Variants in OSBPL11 observed in about 807,000 individuals in gnomAD.
OSBPL11 encodes the protein oxysterol binding protein like 11, also known as oxysterol-binding protein-related protein 11.
In OSBPL11, 33 loss-of-function variants were observed where a neutral mutation model predicts 84.4. That is an observed-to-expected ratio of 0.39 (90% CI 0.30 to 0.52). OSBPL11 has a LOEUF of 0.52. OSBPL11 is among the 20% of genes least tolerant of loss of function. The pLI is 0.72. For missense variants in OSBPL11, 736 were observed against 901.1 expected, an observed-to-expected ratio of 0.82 and a Z score of 2.35; for synonymous variants, 276 against 310.2, an observed-to-expected ratio of 0.89 and a Z score of 1.16.
chr3:125,570,065 A>C (rs1002440095), intron 5 of OSBPL11, among the ~76,000 whole-genome samples: 1 of 152,220 alleles, frequency 6.6e-6, no homozygotes, highest in Non-Finnish European at 1.5e-5. Flanking sequence ...AGGAAAAAGA[A>C]TCTTAAGACA....
intron 7 of OSBPL11, among the ~76,000 whole-genome samples, chr3:125,562,597 C>G (rs934992344): frequency 4.6e-5 from 7 of 152,028 alleles, no homozygotes; most frequent in African/African-American, 1.7e-4. Context: ...AGTAATGCTA[C>G]TTGGTAATAT....
intron 8 of OSBPL11, among the ~76,000 whole-genome samples, chr3:125,555,381 C>T (rs1330005865): frequency 1.3e-5 from 2 of 152,112 alleles, no homozygotes; most frequent in Non-Finnish European, 2.9e-5. Flanking sequence ...TTAATAAACT[C>T]CCCTTTATAT....
Position 125,567,504 on chromosome 3 carries a change from T to C in OSBPL11, c.758A>G (p.Asp253Gly), listed in dbSNP as rs770859922. ...GGAAGTAGCTTTGAGCATTAAGAGA[T>C]CCTGGTCCAAGGAACTAAGATGGCC... ...TSGHLSSLDQ[D>G]LLMLKATSMA... Residue 253 changes from aspartate to glycine, a missense_variant, in exon 6 of 13, where the codon GAT becomes GGT. Coordinates refer to ENST00000296220, the MANE Select transcript of OSBPL11 (RefSeq NM_022776.5). The C allele has an allele frequency of 1.7e-5, 28 of 1,613,896 alleles. No individual in the cohort carries two copies. The highest frequency in any genetic ancestry group is 2.2e-5 in the Non-Finnish European group (26 of 1,179,902).
Position 125,579,539 on chromosome 3 carries a change from C to T in OSBPL11, c.409+326G>A, listed in dbSNP as rs138345008. Among the ~76,000 whole-genome samples, 10 of 152,158 alleles carry T rather than the reference C, an allele frequency of 6.6e-5. No individual in the cohort carries two copies. In the East Asian group the frequency reaches 7.7e-4, roughly 12 times the overall value. The stretch of plus-strand genomic sequence containing the variant: ...GTTACTGAAAACTGCAAAAAGGGCA[C>T]GTAAACTAAACCAAGTAAAGGGGTG... On this transcript the variant is annotated intron_variant, in intron 3 of 12. Coordinates refer to ENST00000296220, the MANE Select transcript of OSBPL11 (RefSeq NM_022776.5).
At position 125,591,688 on chromosome 3, in the gene OSBPL11, G is replaced by A. The variant is rs181424590; in HGVS notation, c.164+2949C>T. 2.1e-3 allele frequency among the ~76,000 whole-genome samples: 324 copies of A among 152,266 alleles called. 1 individual carries two copies. The highest frequency in any genetic ancestry group is 7.4e-3 in the African/African-American group (309 of 41,556). On this transcript the variant is annotated intron_variant, in intron 1 of 12. Transcript: ENST00000296220. The stretch of plus-strand genomic sequence containing the variant: ...GAGATTCCTGACCCAAAGACACTAT[G>A]AAATAATAAATGCTGCTAATATATT...
intron 1 of OSBPL11, among the ~76,000 whole-genome samples, chr3:125,586,516 C>CT (rs554411650): frequency 0.012 from 1,682 of 143,416 alleles, 37 homozygotes; most frequent in African/African-American, 0.038. Context: ...ATACATATTT[C>CT]TTTTTTTTTT....
intron 1 of OSBPL11, among the ~76,000 whole-genome samples, chr3:125,586,516 CTT>C (rs554411650): frequency 9.8e-5 from 14 of 143,400 alleles, no homozygotes; most frequent in Admixed American, 1.4e-4. Context: ...ATACATATTT[CTT>C]TTTTTTTTTT....
chr3:125,565,416 T>C (rs931106645), intron 6 of OSBPL11, among the ~76,000 whole-genome samples: 1 of 152,164 alleles, frequency 6.6e-6, no homozygotes. Flanking sequence ...TATAGTTAAG[T>C]AAACCAAAAT....
In OSBPL11 at chr3:125,552,198, A is replaced by G. The variant is rs1935921963; in HGVS notation, c.1637T>C (p.Val546Ala). The G allele has an allele frequency of 1.0e-5, 16 of 1,584,246 alleles. No individual in the cohort carries two copies. The highest frequency in any genetic ancestry group is 1.4e-5 in the Non-Finnish European group (16 of 1,167,572). Reference sequence around the variant, plus strand: ...CTACTTACCTTCTCCAACCATTGTCACGCCTATTGACATGCCTAAGAACTT... The same window carrying G: ...CTACTTACCTTCTCCAACCATTGTCGCGCCTATTGACATGCCTAAGAACTT... ...KSKFLGMSIGVTMVGEGILSL... is the reference protein window; with the variant it reads ...KSKFLGMSIGATMVGEGILSL... The change falls in exon 9 of 13, where the codon GTG becomes GCG. Residue 546 changes from valine to alanine, a missense_variant. By Grantham distance (64) the Val-to-Ala change is moderately conservative. Coordinates refer to ENST00000296220, the MANE Select transcript of OSBPL11 (RefSeq NM_022776.5).
At chr3:125,540,328 C>CAAAAAAAAAAAAAAAA (rs201858368) in intron 10 of OSBPL11, among the ~76,000 whole-genome samples, 3 of 85,338 alleles carry the variant, frequency 3.5e-5, no homozygotes, top group African/African-American at 5.3e-5. Context: ...GGCTCTGTCT[C>CAAAAAAAAAAAAAAAA]AAAAAAAAAA....
chr3:125,563,846 G>C lies in OSBPL11; in HGVS notation c.869-3C>G. 6.2e-7 allele frequency: 1 copy of C among 1,612,276 alleles called. No individual in the cohort carries two copies. The highest frequency in any genetic ancestry group is 1.3e-5 in the African/African-American group (1 of 74,948). On this transcript the variant is annotated splice_polypyrimidine_tract_variant and splice_region_variant and intron_variant, in intron 6 of 12. Transcript: ENST00000296220. ...TTCTAACCACTCGATTGTCGTTCCT[G>C]ATGGAGTAAGAGAAAACTTTCGCTG...
At chr3:125,560,258 T>A (rs1936055517) in intron 8 of OSBPL11, 121 bp downstream of exon 8, 3 of 947,950 alleles carry the variant, frequency 3.2e-6, no homozygotes, top group African/African-American at 1.7e-5. Context: ...CAAAACTCCA[T>A]CTCAAAAAAA....
intron 10 of OSBPL11, among the ~76,000 whole-genome samples, chr3:125,541,157 T>G (rs1935724099): frequency 6.6e-6 from 1 of 152,218 alleles, no homozygotes; most frequent in African/African-American, 2.4e-5. Flanking sequence ...AGCTCTTTAC[T>G]TCCATTGTAT....
At chr3:125,580,070 G>A in intron 2 of OSBPL11, 30 bp from the exon 3 acceptor site, 2 of 1,586,632 alleles carry the variant, frequency 1.3e-6, no homozygotes, top group South Asian at 1.1e-5. Context: ...TCCATAATTT[G>A]TAAACATTTT....
rs182271749 is a variant in OSBPL11, at chr3:125,538,610, T to A, written c.1865A>T (p.Asn622Ile). The change falls in exon 11 of 13, where the codon AAC becomes ATC. Residue 622 changes from asparagine to isoleucine, a missense_variant. Coordinates refer to ENST00000296220, the MANE Select transcript of OSBPL11 (RefSeq NM_022776.5). ...TCTGCATACCACAGTGTTGGTGATG[T>A]TGTGCTTTACTTCAGCTGTAACCCT... ...LHRVTAEVKH[N>I]ITNTVVCRVQ... The A allele has an allele frequency of 1.2e-6, 2 of 1,611,228 alleles. No individual in the cohort carries two copies. Among genetic ancestry groups the A allele is most frequent in the East Asian group, 2.2e-5 (1 of 44,760 alleles).
At chr3:125,572,973 A>G (rs1936265002) in intron 5 of OSBPL11, among the ~76,000 whole-genome samples, 1 of 147,788 alleles carries the variant, frequency 6.8e-6, no homozygotes. Context: ...AAATATAGTA[A>G]GATATATATC....
rs1181833820 is a variant in OSBPL11 at position 125,579,986 on chromosome 3, C to G, written c.288G>C (p.Gln96His). ...TTCCTCTAGGTTTCTGATTTCTAGA[C>G]TGTTCATTCACAAAGTACTCCAACA... ...AGLLEYFVNEQSRNQKPRGTL... is the reference protein window; with the variant it reads ...AGLLEYFVNEHSRNQKPRGTL... Residue 96 changes from glutamine (Q) to histidine (H), a missense_variant, in exon 3 of 13, where the codon CAG becomes CAC. Coordinates refer to ENST00000296220, the MANE Select transcript of OSBPL11 (RefSeq NM_022776.5). 1.2e-6 allele frequency: 2 copies of G among 1,614,186 alleles called. No homozygotes were observed. Among genetic ancestry groups the G allele is most frequent in the South Asian group, 2.2e-5 (2 of 91,086 alleles).
intron 1 of OSBPL11, among the ~76,000 whole-genome samples, chr3:125,593,275 T>A (rs1936628209): frequency 6.6e-6 from 1 of 152,086 alleles, no homozygotes; most frequent in Non-Finnish European, 1.5e-5. Context: ...GGCCTAGACC[T>A]CTCAAACTAA....
At chr3:125,532,805 T>C (rs1935580757) in intron 11 of OSBPL11, among the ~76,000 whole-genome samples, 1 of 152,004 alleles carries the variant, frequency 6.6e-6, no homozygotes, top group Non-Finnish European at 1.5e-5. Context: ...AGCAGTATTA[T>C]GGATAGGCAA....
Sources: gnomAD v4.1 joint callset for allele counts (sites outside exome capture counted in the v4.1 genomes callset) on GRCh38, gnomAD v4.1.1 for gene constraint, MANE v1.5 for transcripts, NCBI Gene and HGNC (gene_info 2026-07-23, HGNC 2026-07-21) for gene names.